OPHN1: variants seen among roughly 807,000 people sequenced by gnomAD.
OPHN1 encodes the protein oligophrenin-1.
A neutral mutation model predicts 60.7 loss-of-function variants in OPHN1; 11 were observed. The observed-to-expected ratio is 0.18, with a 90% CI of 0.11 to 0.30. OPHN1 has a LOEUF of 0.30. OPHN1 is among the 10% of genes least tolerant of loss of function. OPHN1 has a pLI of 1.00. For missense variants in OPHN1, 449 were observed against 611.0 expected (o/e 0.73, Z 2.80); for synonymous variants, 226 against 222.6 (o/e 1.02, Z -0.14).
intron 19 of OPHN1, among the ~76,000 whole-genome samples, chrX:68,081,190 T>C (rs73634105): frequency 0.019 from 2,171 of 111,540 alleles, 74 homozygotes; most frequent in African/African-American, 0.068. Context: ...GCATATTAAA[T>C]AATAGAACTT....
intron 21 of OPHN1, among the ~76,000 whole-genome samples, chrX:68,061,483 T>C (rs778051491): frequency 9.0e-6 from 1 of 111,391 alleles, no homozygotes; most frequent in Non-Finnish European, 1.9e-5. Context: ...TCTACCCAGA[T>C]TGATAGGAAG....
intron 2 of OPHN1, among the ~76,000 whole-genome samples, chrX:68,404,126 G>A (rs1339373440): frequency 9.1e-6 from 1 of 109,611 alleles, no homozygotes; most frequent in African/African-American, 3.3e-5. Flanking sequence ...CCAAAATGGT[G>A]CAGCCATTAT....
intron 5 of OPHN1, among the ~76,000 whole-genome samples, chrX:68,256,076 G>T (rs2077861828): frequency 9.0e-6 from 1 of 111,097 alleles, no homozygotes; most frequent in Admixed American, 9.6e-5. Flanking sequence ...GAAAGGACCT[G>T]CTCACTGCGA....
intron 2 of OPHN1, among the ~76,000 whole-genome samples, chrX:68,382,350 AAAAATAAAAT>A (rs773785173): frequency 3.5e-4 from 39 of 110,623 alleles, no homozygotes; most frequent in East Asian, 2.3e-3. Context: ...CTGTCTTAAA[AAAAATAAAAT>A]AAAATAAAAT....
At chrX:68,375,034 C>A (rs1363417182) in intron 2 of OPHN1, among the ~76,000 whole-genome samples, 1 of 112,308 alleles carries the variant, frequency 8.9e-6, no homozygotes, top group Non-Finnish European at 1.9e-5. Context: ...TAAATTGTCA[C>A]AGCCACTCTA....
rs750135034 is a variant in OPHN1 at position 68,048,387 on chromosome X, T to G, written c.*8+29A>C. Reference sequence around the variant, plus strand: ...TAATGAAGGCTTATGTGGAACAAGATTTTGTAATCAGGGATGGGGACTGCA... The same window carrying G: ...TAATGAAGGCTTATGTGGAACAAGAGTTTGTAATCAGGGATGGGGACTGCA... On this transcript the variant is annotated intron_variant, in intron 24 of 24. Transcript: ENST00000355520. 4 of 1,190,126 alleles carry G rather than the reference T, an allele frequency of 3.4e-6. No homozygotes were observed. In the South Asian group the frequency reaches 5.3e-5, roughly 16 times the overall value.
intron 5 of OPHN1, among the ~76,000 whole-genome samples, chrX:68,273,335 C>T (rs2077978196): frequency 8.9e-6 from 1 of 112,047 alleles, no homozygotes; most frequent in Non-Finnish European, 1.9e-5. Context: ...TATTTTAGCC[C>T]TGGTAGAAGA....
At chrX:68,093,870 C>A in intron 19 of OPHN1, among the ~76,000 whole-genome samples, 1 of 109,747 alleles carries the variant, frequency 9.1e-6, no homozygotes, top group East Asian at 2.9e-4. Flanking sequence ...GCTTTTTTTT[C>A]CATCTTATTA....
chrX:68,069,571 G>A (rs1211553508), intron 20 of OPHN1, among the ~76,000 whole-genome samples: 1 of 110,806 alleles, frequency 9.0e-6, no homozygotes, highest in African/African-American at 3.3e-5. Flanking sequence ...TACATGATAT[G>A]TATACCAGGA....
intron 19 of OPHN1, among the ~76,000 whole-genome samples, chrX:68,090,962 G>A (rs923253727): frequency 1.8e-5 from 2 of 111,357 alleles, no homozygotes; most frequent in African/African-American, 6.5e-5. Flanking sequence ...TTAAAAAGCA[G>A]ATGCCCACCC....
intron 2 of OPHN1, among the ~76,000 whole-genome samples, chrX:68,328,132 C>CTT (rs577483680): frequency 4.5e-4 from 32 of 71,218 alleles, no homozygotes; most frequent in African/African-American, 1.2e-3. Flanking sequence ...CCCGGCCAAA[C>CTT]TTTTTTTTTT....
intron 15 of OPHN1, among the ~76,000 whole-genome samples, chrX:68,139,799 T>C (rs187210105): frequency 3.1e-3 from 346 of 112,448 alleles, no homozygotes; most frequent in African/African-American, 0.01. Context: ...CTGCAGTCCA[T>C]TGGGGAGTTG....
chrX:68,109,357 C>T (rs1385267545), intron 18 of OPHN1, among the ~76,000 whole-genome samples: 3 of 111,351 alleles, frequency 2.7e-5, no homozygotes, highest in Non-Finnish European at 1.9e-5. Flanking sequence ...GTACTTCATC[C>T]TTTTTTATGG....
chrX:68,255,387 T>G (rs776703219), intron 5 of OPHN1, among the ~76,000 whole-genome samples: 1 of 112,813 alleles, frequency 8.9e-6, no homozygotes, highest in South Asian at 3.6e-4. Context: ...TAGTGTTTGA[T>G]GATTAACTTT....
At chrX:68,281,195 G>A (rs2078017909) in intron 4 of OPHN1, among the ~76,000 whole-genome samples, 2 of 112,138 alleles carry the variant, frequency 1.8e-5, no homozygotes, top group African/African-American at 6.5e-5. Flanking sequence ...AAGTAATGAA[G>A]ATAGTGTGGT....
intron 2 of OPHN1, among the ~76,000 whole-genome samples, chrX:68,404,209 G>A (rs1302341272): frequency 9.3e-6 from 1 of 107,954 alleles, no homozygotes; most frequent in Non-Finnish European, 1.9e-5. Flanking sequence ...CGCCAGTCTG[G>A]AGTGCAGTGG....
chrX:68,286,520 G>A (rs939423908), intron 3 of OPHN1, among the ~76,000 whole-genome samples: 3 of 111,008 alleles, frequency 2.7e-5, no homozygotes, highest in Non-Finnish European at 5.7e-5. Context: ...AGATACAAAC[G>A]CTGGGTATGT....
In OPHN1 at chrX:68,052,723, C is replaced by T. The variant is rs2076857322; in HGVS notation, c.2325-133G>A. On this transcript the variant is annotated intron_variant, in intron 22 of 24. Transcript: ENST00000355520. Reference sequence around the variant, plus strand: ...CAGCCCCTGCCTTTGCTGGCAAAGGCCCTACACATACAAATGTGAAATGGC... The same window carrying T: ...CAGCCCCTGCCTTTGCTGGCAAAGGTCCTACACATACAAATGTGAAATGGC... The T allele has an allele frequency of 8.8e-6, 5 of 565,237 alleles. No homozygotes were observed. In the Admixed American group the frequency reaches 1.5e-4, roughly 16 times the overall value. 46.6% of individuals were successfully genotyped at this position (565,237 alleles called of 1,213,427 possible). A position where few individuals can be genotyped will look rare whatever the true frequency, so the allele number is the denominator to read the frequency against.
At chrX:68,114,081 C>A (rs912497613) in intron 16 of OPHN1, among the ~76,000 whole-genome samples, 1 of 110,573 alleles carries the variant, frequency 9.0e-6, no homozygotes, top group African/African-American at 3.3e-5. Flanking sequence ...CTCCAACGAG[C>A]TAATAGTTTA....
Sources: gnomAD v4.1 joint callset for allele counts (sites outside exome capture counted in the v4.1 genomes callset) on GRCh38, gnomAD v4.1.1 for gene constraint, MANE v1.5 for transcripts, NCBI Gene and HGNC (gene_info 2026-07-23, HGNC 2026-07-21) for gene names.